ZNF474: variants seen among roughly 807,000 people sequenced by gnomAD.
ZNF474 encodes zinc finger protein 474.
For missense variants in ZNF474, 511 were observed against 433.8 expected, an observed-to-expected ratio of 1.18 and a Z score of -1.58; for synonymous variants, 192 against 162.2, an observed-to-expected ratio of 1.18 and a Z score of -1.39.
chr5:122,133,749 T>A (rs1232437616), intron 1 of ZNF474, among the ~76,000 whole-genome samples: 1 of 151,918 alleles, frequency 6.6e-6, no homozygotes, highest in East Asian at 1.9e-4. Context: ...TTTGTAGTGA[T>A]GAGATCTTAC....
At chr5:122,142,547 A>G (rs959062060) in intron 1 of ZNF474, among the ~76,000 whole-genome samples, 1 of 152,184 alleles carries the variant, frequency 6.6e-6, no homozygotes, top group Non-Finnish European at 1.5e-5. Context: ...TGGGGACACA[A>G]AGAATGAACG....
At chr5:122,149,614 CTGTCATTTAGAAACTGA>C (rs1435726333) in intron 1 of ZNF474, among the ~76,000 whole-genome samples, 4 of 152,182 alleles carry the variant, frequency 2.6e-5, no homozygotes, top group Admixed American at 1.3e-4. Context: ...ATTCACAGTT[CTGTCATTTAGAAACTGA>C]CAGTCTTGGG....
chr5:122,133,117 A>G (rs1383213394), intron 1 of ZNF474, among the ~76,000 whole-genome samples: 1 of 152,150 alleles, frequency 6.6e-6, no homozygotes, highest in Non-Finnish European at 1.5e-5. Context: ...AATCCCAGTG[A>G]AAAAAATAAG....
At chr5:122,151,270 A>T (rs1756161742) in intron 1 of ZNF474, among the ~76,000 whole-genome samples, 1 of 152,204 alleles carries the variant, frequency 6.6e-6, no homozygotes, top group South Asian at 2.1e-4. Context: ...TACTTATAAA[A>T]ATACTATTCT....
chr5:122,135,411 T>C (rs575929897), intron 1 of ZNF474, among the ~76,000 whole-genome samples: 3 of 152,278 alleles, frequency 2.0e-5, no homozygotes, highest in East Asian at 3.9e-4. Flanking sequence ...TCACTAATCA[T>C]CAAAGAAATG....
At chr5:122,147,587 A>G (rs1756025463) in intron 1 of ZNF474, among the ~76,000 whole-genome samples, 1 of 135,042 alleles carries the variant, frequency 7.4e-6, no homozygotes, top group Non-Finnish European at 1.5e-5. Flanking sequence ...AAGTGTTCTC[A>G]TTGTTCAGTT....
intron 1 of ZNF474, 60 bp from the exon 2 acceptor site, chr5:122,151,719 G>C (rs1756180471): frequency 3.0e-6 from 1 of 334,064 alleles, no homozygotes; most frequent in African/African-American, 2.1e-5. Flanking sequence ...GTGTGTGTGT[G>C]TGTGTGTGTG....
At chr5:122,146,374 T>C (rs942527281) in intron 1 of ZNF474, among the ~76,000 whole-genome samples, 113 of 152,214 alleles carry the variant, frequency 7.4e-4, no homozygotes, top group Non-Finnish European at 5.4e-4. Context: ...ATTAAATTTT[T>C]TTTCTTAAAA....
At chr5:122,140,615 C>G (rs1280273401) in intron 1 of ZNF474, among the ~76,000 whole-genome samples, 2 of 152,094 alleles carry the variant, frequency 1.3e-5, no homozygotes, top group African/African-American at 2.4e-5. Flanking sequence ...TAGTATACAA[C>G]TATAAACTGC....
chr5:122,152,887 C>G lies in ZNF474; in HGVS notation c.897C>G (p.Leu299=). 1 of 1,614,156 alleles carries G rather than the reference C, an allele frequency of 6.2e-7. No homozygotes were observed. Among genetic ancestry groups the G allele is most frequent in the Non-Finnish European group, 8.5e-7 (1 of 1,180,036 alleles). Residue 299 remains leucine, a synonymous_variant, in exon 2 of 2, where the codon CTC becomes CTG. Coordinates refer to ENST00000296600, the MANE Select transcript of ZNF474 (RefSeq NM_207317.3). ...GCCGAATCTTTACCTCAGACCGCCT[C>G]CTGGTACACCAGAGAAGTTGTAAAA... ...HCSRIFTSDR[L]LVHQRSCKTH... is the part of the protein sequence containing the mutation.
chr5:122,147,905 A>C (rs1756032406), intron 1 of ZNF474: 1 of 152,336 alleles, frequency 6.6e-6, no homozygotes, highest in African/African-American at 2.4e-5. Flanking sequence ...TGTTGATAAA[A>C]GGTGATGCCT....
intron 1 of ZNF474, among the ~76,000 whole-genome samples, chr5:122,130,958 C>T (rs1210827076): frequency 1.3e-5 from 2 of 152,102 alleles, no homozygotes; most frequent in Non-Finnish European, 2.9e-5. Context: ...ATTTACTCAT[C>T]TTATAGCTGA....
Position 122,152,244 on chromosome 5 carries a change from CT to C in ZNF474, c.255del (p.Val86Ter). On this transcript the variant is annotated frameshift_variant, in exon 2 of 2. Coordinates refer to ENST00000296600, the MANE Select transcript of ZNF474 (RefSeq NM_207317.3). LOFTEE classifies it low-confidence loss of function (END_TRUNC). ...RIISESQLSP[P>X]VIPARRPGFR... ...ATATCGGAAAGCCAGCTTAGCCCCCCTGTGATCCCGGCCCGCAGGCCTGGAT... is the reference window on the plus strand; with the variant it reads ...ATATCGGAAAGCCAGCTTAGCCCCCCGTGATCCCGGCCCGCAGGCCTGGAT... The C allele has an allele frequency of 6.2e-7, 1 of 1,614,236 alleles. No homozygotes were observed. Among genetic ancestry groups the C allele is most frequent in the Non-Finnish European group, 8.5e-7 (1 of 1,180,046 alleles).
chr5:122,150,611 A>G (rs1334242460), intron 1 of ZNF474, among the ~76,000 whole-genome samples: 1 of 152,194 alleles, frequency 6.6e-6, no homozygotes, highest in African/African-American at 2.4e-5. Context: ...ACCCTGATAA[A>G]TGAAACGATA....
chr5:122,152,511 C>A lies in ZNF474; in HGVS notation c.521C>A (p.Thr174Lys). Residue 174 changes from threonine (T) to lysine (K), a missense_variant, in exon 2 of 2, where the codon ACA becomes AAA. Coordinates refer to ENST00000296600, the MANE Select transcript of ZNF474 (RefSeq NM_207317.3). ...QLLPCESCGRTFLPDHLLVHH... is the reference protein window; with the variant it reads ...QLLPCESCGRKFLPDHLLVHH... ...CTGCCCTGTGAATCCTGTGGCCGCA[C>A]ATTCTTGCCAGATCATCTTCTTGTT... 2 of 1,614,200 alleles carry A rather than the reference C, an allele frequency of 1.2e-6. No individual in the cohort carries two copies. Among genetic ancestry groups the A allele is most frequent in the Non-Finnish European group, 1.7e-6 (2 of 1,180,030 alleles).
intron 1 of ZNF474, among the ~76,000 whole-genome samples, chr5:122,143,952 CTGTT>C (rs1755918448): frequency 6.6e-6 from 1 of 152,106 alleles, no homozygotes. Context: ...ACAATTTTGT[CTGTT>C]TGTGTTTTCC....
At position 122,153,132 on chromosome 5, in the gene ZNF474, G is replaced by C; in HGVS notation, c.*47G>C. 1 of 1,548,974 alleles carries C rather than the reference G, an allele frequency of 6.5e-7. No individual in the cohort carries two copies. The highest frequency in any genetic ancestry group is 8.7e-7 in the Non-Finnish European group (1 of 1,151,480). On this transcript the variant is annotated 3_prime_UTR_variant, in exon 2 of 2. Coordinates refer to ENST00000296600, the MANE Select transcript of ZNF474 (RefSeq NM_207317.3). ...CCAGAATCAGCCACCTCAGCCCCTA[G>C]TATTTTTTCTATCAATGCCTTGTAT...
chr5:122,139,305 A>C (rs1755778585), intron 1 of ZNF474, among the ~76,000 whole-genome samples: 1 of 152,230 alleles, frequency 6.6e-6, no homozygotes, highest in African/African-American at 2.4e-5. Context: ...GTAGCACAGG[A>C]ATGCTGTTTT....
intron 1 of ZNF474, 66 bp from the exon 2 acceptor site, chr5:122,151,713 G>GTGTGTT (rs1756180135): frequency 1.3e-5 from 4 of 305,802 alleles, no homozygotes; most frequent in African/African-American, 6.4e-5. Context: ...AAATGTGTGT[G>GTGTGTT]TGTGTGTGTG....
Sources: allele counts gnomAD v4.1 joint callset (sites outside exome capture counted in the v4.1 genomes callset), GRCh38; gene constraint gnomAD v4.1.1; transcripts MANE v1.5; gene names NCBI Gene and HGNC (gene_info 2026-07-23, HGNC 2026-07-21).